The following RIMKLB variants were observed in gnomAD, a reference collection of about 807,000 sequenced individuals.
RIMKLB encodes the protein beta-citrylglutamate synthase B.
A neutral mutation model predicts 32.0 loss-of-function variants in RIMKLB; 7 were observed. That is an observed-to-expected ratio of 0.22 (90% CI 0.12 to 0.41). The LOEUF is 0.41. RIMKLB is among the 10% of genes least tolerant of loss of function. The probability of loss-of-function intolerance (pLI) is 1.00; values close to 1 mark genes in which losing one functional copy is unlikely to be tolerated. For synonymous variants in RIMKLB, 172 were observed against 185.1 expected (o/e 0.93, Z 0.57); for missense variants, 289 against 498.7 (o/e 0.58, Z 4.00).
chr12:8,731,104 C>CTTTTTCTTTTTTT (rs201104209), intron 2 of RIMKLB, among the ~76,000 whole-genome samples: 4,804 of 145,860 alleles, frequency 0.033, 256 homozygotes, highest in African/African-American at 0.11. Context: ...TTCTCTTTTT[C>CTTTTTCTTTTTTT]TTTTTCTTTG....
chr12:8,727,178 CAG>C (rs1491104100), intron 2 of RIMKLB, among the ~76,000 whole-genome samples: 3 of 152,158 alleles, frequency 2.0e-5, no homozygotes, highest in Admixed American at 6.6e-5. Flanking sequence ...CACACACACA[CAG>C]AGTGATTATA....
intron 2 of RIMKLB, among the ~76,000 whole-genome samples, chr12:8,724,356 C>G (rs899975212): frequency 5.9e-5 from 9 of 151,904 alleles, no homozygotes; most frequent in African/African-American, 2.2e-4. Flanking sequence ...ATTTTGAATT[C>G]TTTGTCAGGT....
intron 2 of RIMKLB, among the ~76,000 whole-genome samples, chr12:8,739,717 C>T (rs1047205913): frequency 6.6e-6 from 1 of 152,134 alleles, no homozygotes; most frequent in African/African-American, 2.4e-5. Flanking sequence ...TCAAGCGACC[C>T]TCCTGCCTCG....
intron 1 of RIMKLB, among the ~76,000 whole-genome samples, chr12:8,701,865 TGTG>T (rs1261121931): frequency 2.0e-5 from 3 of 151,442 alleles, no homozygotes; most frequent in Non-Finnish European, 2.9e-5. Flanking sequence ...ATTAGCCAGG[TGTG>T]GTGGTGTGCG....
chr12:8,713,185 T>C (rs981319209), intron 1 of RIMKLB, among the ~76,000 whole-genome samples: 17 of 152,164 alleles, frequency 1.1e-4, no homozygotes, highest in African/African-American at 4.1e-4. Context: ...GACCTGGACA[T>C]TTATTTTGGT....
At chr12:8,779,921 A>G (rs1284403724), downstream of RIMKLB, 1 of 152,170 alleles carries the variant, frequency 6.6e-6, no homozygotes, top group Non-Finnish European at 1.5e-5. Context: ...GTTTGAGGAA[A>G]TGTGCATCTA....
In RIMKLB at chr12:8,732,756, T is replaced by TACACACACACACAC. The variant is rs775849283; in HGVS notation, c.176-17093_176-17080dup. On this transcript the variant is annotated intron_variant, in intron 2 of 5. Transcript: ENST00000535829. ...CATGCAACAGAAAATTATATATATA[T>TACACACACACACAC]ACACACACACACACACACACACACA... Among the ~76,000 whole-genome samples the TACACACACACACAC allele has an allele frequency of 2.7e-3, 402 of 150,110 alleles. 1 individual carries two copies. The highest frequency in any genetic ancestry group is 9.4e-3 in the African/African-American group (380 of 40,286).
chr12:8,765,414 G>C (rs1332378978), intron 5 of RIMKLB, among the ~76,000 whole-genome samples: 1 of 152,112 alleles, frequency 6.6e-6, no homozygotes, highest in East Asian at 1.9e-4. Flanking sequence ...ACCTGACTGA[G>C]ATACCAGAGA....
chr12:8,761,490 G>A (rs1315561561), intron 5 of RIMKLB, among the ~76,000 whole-genome samples: 1 of 152,058 alleles, frequency 6.6e-6, no homozygotes, highest in Non-Finnish European at 1.5e-5. Context: ...GTCGCTCCCT[G>A]CTCAAATGCC....
At chr12:8,694,389 TTTTTTTC>T (rs1218169940), upstream of RIMKLB, among the ~76,000 whole-genome samples, 96 of 136,986 alleles carry the variant, frequency 7.0e-4, no homozygotes, top group African/African-American at 2.4e-3. Context: ...CCTGTTGAAT[TTTTTTTC>T]TTTTTTTTTT....
At chr12:8,674,240 C>CCTT in the RIMKLB span, among the ~76,000 whole-genome samples, 1 of 124,456 alleles carries the variant, frequency 8.0e-6, no homozygotes, top group South Asian at 2.6e-4. Context: ...TTTTTTTTTC[C>CCTT]TTTTTTTTTT....
intron 2 of RIMKLB, among the ~76,000 whole-genome samples, chr12:8,743,379 T>G (rs12315165): frequency 6.9e-6 from 1 of 145,008 alleles, no homozygotes; most frequent in African/African-American, 2.7e-5. Flanking sequence ...AAAAAAAAAT[T>G]CCGGAAGTCC....
At chr12:8,729,130 CA>C (rs1199527141) in intron 2 of RIMKLB, among the ~76,000 whole-genome samples, 1 of 152,176 alleles carries the variant, frequency 6.6e-6, no homozygotes, top group Non-Finnish European at 1.5e-5. Flanking sequence ...GGAAGTGTTA[CA>C]GTGCCCTTTT....
intron 2 of RIMKLB, among the ~76,000 whole-genome samples, chr12:8,746,624 A>G (rs1948119757): frequency 6.6e-6 from 1 of 151,612 alleles, no homozygotes; most frequent in Non-Finnish European, 1.5e-5. Context: ...AAAGAAAAAG[A>G]TATCAAGATG....
Position 8,777,126 on chromosome 12 carries a change from TTAAGA to T in RIMKLB, c.*3344_*3348del, listed in dbSNP as rs1243035986. The T allele has an allele frequency of 6.1e-6, 6 of 985,438 alleles. No individual in the cohort carries two copies. The highest frequency in any genetic ancestry group is 7.2e-6 in the Non-Finnish European group (6 of 829,730). The allele number at this position is 985,438 out of a possible 1,614,324, so 61.0% of individuals were successfully genotyped here. A position where few individuals can be genotyped will look rare whatever the true frequency, so the allele number is the denominator to read the frequency against. ...TATTTGTTTGTTTGTTCAATTTTATTTAAGATTTGTTTTTGTTGTACTAGGATTTT... is the reference window on the plus strand; with the variant it reads ...TATTTGTTTGTTTGTTCAATTTTATTTTTGTTTTTGTTGTACTAGGATTTT... On this transcript the variant is annotated 3_prime_UTR_variant, in exon 6 of 6. Transcript: ENST00000535829.
chr12:8,710,351 A>G (rs1209686494), intron 1 of RIMKLB, among the ~76,000 whole-genome samples: 1 of 133,246 alleles, frequency 7.5e-6, no homozygotes, highest in Non-Finnish European at 1.6e-5. Context: ...TCTGTCACCC[A>G]GGCTGGAGAG....
chr12:8,746,429 T>C (rs1279995499), intron 2 of RIMKLB, among the ~76,000 whole-genome samples: 1 of 151,118 alleles, frequency 6.6e-6, no homozygotes, highest in Non-Finnish European at 1.5e-5. Context: ...TGAAACCCCA[T>C]CTCTAAAAAA....
At chr12:8,709,698 TG>T (rs1944200618) in intron 1 of RIMKLB, among the ~76,000 whole-genome samples, 1 of 152,242 alleles carries the variant, frequency 6.6e-6, no homozygotes, top group Non-Finnish European at 1.5e-5. Flanking sequence ...TCACTTTCTG[TG>T]GTTTCAGTTA....
intron 5 of RIMKLB, among the ~76,000 whole-genome samples, chr12:8,757,572 A>C (rs1949158798): frequency 6.6e-6 from 1 of 152,034 alleles, no homozygotes; most frequent in South Asian, 2.1e-4. Flanking sequence ...ATAAGTTGTC[A>C]ATATAGTTAT....
Sources: gnomAD v4.1 joint callset for allele counts (sites outside exome capture counted in the v4.1 genomes callset) on GRCh38, gnomAD v4.1.1 for gene constraint, MANE v1.5 for transcripts, NCBI Gene and HGNC (gene_info 2026-07-23, HGNC 2026-07-21) for gene names.